RBFOX1: variants seen among roughly 807,000 people sequenced by gnomAD.
RBFOX1 encodes the protein RNA binding fox-1 homolog 1.
In RBFOX1, 8 loss-of-function variants were observed where a neutral mutation model predicts 57.7. That is an observed-to-expected ratio of 0.14 (90% CI 0.08 to 0.25). The LOEUF is 0.25. Ranked by LOEUF, RBFOX1 falls within the 10% of genes least tolerant of loss-of-function variation. The pLI is 1.00. For synonymous variants in RBFOX1, 326 were observed against 222.4 expected (o/e 1.47, Z -4.15); for missense variants, 611 against 548.5 (o/e 1.11, Z -1.14).
At position 7,391,858 on chromosome 16, in the gene RBFOX1, A is replaced by G. The variant is rs577668722; in HGVS notation, c.28-126289A>G. On this transcript the variant is annotated intron_variant, in intron 4 of 15. Transcript: ENST00000550418. The stretch of plus-strand genomic sequence containing the variant: ...TGGGTTACACAACCAGCCTGTCCAG[A>G]CACTGATTCTTTTACGTAGGCTGAG... Among the ~76,000 whole-genome samples the G allele has an allele frequency of 7.2e-5, 11 of 152,308 alleles. No homozygotes were observed. The South Asian group carries it at 2.1e-3, about 29-fold the overall frequency.
intron 3 of RBFOX1, among the ~76,000 whole-genome samples, chr16:5,788,124 ACAT>A (rs1418583734): frequency 2.0e-5 from 3 of 152,104 alleles, no homozygotes; most frequent in Non-Finnish European, 4.4e-5. Flanking sequence ...ACTGCTGAAA[ACAT>A]CATACCTGGA....
intron 3 of RBFOX1, among the ~76,000 whole-genome samples, chr16:6,766,889 A>T (rs1044329713): frequency 6.6e-6 from 1 of 151,962 alleles, no homozygotes; most frequent in African/African-American, 2.4e-5. Flanking sequence ...GTAAAAAGAT[A>T]CTCAGTCTGA....
intron 3 of RBFOX1, among the ~76,000 whole-genome samples, chr16:6,706,855 T>C (rs1236539019): frequency 5.9e-5 from 9 of 152,190 alleles, no homozygotes; most frequent in South Asian, 2.1e-4. Context: ...TCATCTGGTG[T>C]AGGTATCTAT....
chr16:7,257,990 A>T (rs908788452), intron 4 of RBFOX1, among the ~76,000 whole-genome samples: 1 of 152,180 alleles, frequency 6.6e-6, no homozygotes, highest in Admixed American at 6.5e-5. Flanking sequence ...TTCTGTATCG[A>T]CACAACTCTG....
intron 4 of RBFOX1, among the ~76,000 whole-genome samples, chr16:7,404,265 C>G (rs577101323): frequency 1.3e-5 from 2 of 151,718 alleles, no homozygotes; most frequent in African/African-American, 4.8e-5. Context: ...GTTAGTCAGG[C>G]TGGTCTCTAA....
intron 4 of RBFOX1, among the ~76,000 whole-genome samples, chr16:5,987,080 A>G (rs1320252686): frequency 6.6e-6 from 1 of 152,156 alleles, no homozygotes; most frequent in African/African-American, 2.4e-5. Flanking sequence ...TACAGGTTGT[A>G]GTGATATTGC....
At chr16:5,766,341 C>G (rs1166273633) in intron 3 of RBFOX1, among the ~76,000 whole-genome samples, 1 of 152,088 alleles carries the variant, frequency 6.6e-6, no homozygotes, top group Non-Finnish European at 1.5e-5. Context: ...AATCACAGCG[C>G]TTTGGGTAGC....
intron 1 of RBFOX1, among the ~76,000 whole-genome samples, chr16:5,461,865 A>G (rs2068797594): frequency 6.6e-6 from 1 of 152,196 alleles, no homozygotes; most frequent in African/African-American, 2.4e-5. Flanking sequence ...AGAGCCATCC[A>G]GCTTCACTGA....
chr16:6,536,181 C>T (rs993047404), intron 2 of RBFOX1, among the ~76,000 whole-genome samples: 1 of 152,188 alleles, frequency 6.6e-6, no homozygotes, highest in East Asian at 1.9e-4. Flanking sequence ...CAGTCTACCT[C>T]TTGTATAAAT....
chr16:7,391,460 A>T (rs1056979436), intron 4 of RBFOX1, among the ~76,000 whole-genome samples: 2 of 152,062 alleles, frequency 1.3e-5, no homozygotes, highest in Non-Finnish European at 2.9e-5. Flanking sequence ...CCACATCTGG[A>T]CTTCTTTCCT....
chr16:5,666,511 A>T (rs1163905795), intron 3 of RBFOX1, among the ~76,000 whole-genome samples: 1 of 152,192 alleles, frequency 6.6e-6, no homozygotes, highest in African/African-American at 2.4e-5. Flanking sequence ...AGACAGACCA[A>T]ATAGGTTCCT....
chr16:6,152,075 A>G (rs1009797604), intron 1 of RBFOX1, among the ~76,000 whole-genome samples: 3 of 152,156 alleles, frequency 2.0e-5, no homozygotes, highest in Non-Finnish European at 4.4e-5. Flanking sequence ...GTTTTCCTTT[A>G]TTGGCCAGGA....
rs575185565 is a variant in RBFOX1, at chr16:7,156,795, A to G, written c.27+104697A>G. 5.9e-5 allele frequency among the ~76,000 whole-genome samples: 9 copies of G among 152,222 alleles called. No homozygotes were observed. In the South Asian group the frequency reaches 6.2e-4, roughly 11 times the overall value. On this transcript the variant is annotated intron_variant, in intron 4 of 15. Coordinates refer to ENST00000550418, the MANE Select transcript of RBFOX1 (RefSeq NM_018723.4). ...AAACACTGCATCTGTGTATACTTCT[A>G]TCTCTCTGTACTTGTACATGCACAA...
chr16:6,756,505 A>G (rs1229984671), intron 3 of RBFOX1, among the ~76,000 whole-genome samples: 1 of 152,184 alleles, frequency 6.6e-6, no homozygotes, highest in African/African-American at 2.4e-5. Flanking sequence ...CAACAAAGGA[A>G]ACAATGAATG....
intron 4 of RBFOX1, chr16:7,332,612 A>G (rs1449795347): frequency 4.1e-6 from 1 of 246,594 alleles, no homozygotes; most frequent in African/African-American, 2.3e-5. Context: ...ATTCAGTAGG[A>G]TGAGCTTATA....
At chr16:7,135,265 A>G (rs938671659) in intron 4 of RBFOX1, among the ~76,000 whole-genome samples, 1 of 152,172 alleles carries the variant, frequency 6.6e-6, no homozygotes, top group African/African-American at 2.4e-5. Context: ...GATTAAAGCA[A>G]CTAAGTAACT....
At chr16:6,622,731 T>C (rs2154044871) in intron 2 of RBFOX1, among the ~76,000 whole-genome samples, 1 of 152,358 alleles carries the variant, frequency 6.6e-6, no homozygotes, top group Admixed American at 6.5e-5. Context: ...TTTTTAAAAG[T>C]GTGCTTGTAT....
intron 1 of RBFOX1, among the ~76,000 whole-genome samples, chr16:5,437,710 T>A (rs1597065042): frequency 6.6e-6 from 1 of 152,296 alleles, no homozygotes; most frequent in East Asian, 1.9e-4. Flanking sequence ...TACAAAAAAA[T>A]ATCAGAAGAA....
chr16:6,874,604 A>G lies in RBFOX1; in HGVS notation c.-15-177453A>G, dbSNP rs368347681. 6.6e-5 allele frequency among the ~76,000 whole-genome samples: 10 copies of G among 152,016 alleles called. 1 individual carries two copies. The highest frequency in any genetic ancestry group is 1.9e-4 in the East Asian group (1 of 5,176). The stretch of plus-strand genomic sequence containing the variant: ...GCCGTTATTGTAAGTGAAGTAACTC[A>G]GGAATGGAAACCAAACATCTCATGG... On this transcript the variant is annotated intron_variant, in intron 3 of 15. Coordinates refer to ENST00000550418, the MANE Select transcript of RBFOX1 (RefSeq NM_018723.4).
Sources: gnomAD v4.1 joint callset for allele counts (sites outside exome capture counted in the v4.1 genomes callset) on GRCh38, gnomAD v4.1.1 for gene constraint, MANE v1.5 for transcripts, NCBI Gene and HGNC (gene_info 2026-07-23, HGNC 2026-07-21) for gene names.